IFT80: variants seen among roughly 807,000 people sequenced by gnomAD.
IFT80 encodes the protein intraflagellar transport 80.
IFT80 carries 79 observed loss-of-function variants against 107.9 expected under a neutral mutation model. The observed-to-expected ratio is 0.73, with a 90% CI of 0.61 to 0.88. The LOEUF (loss-of-function observed/expected upper bound fraction) is 0.88, where lower values mean the gene tolerates loss of function less well. IFT80 is among the 40% of genes least tolerant of loss of function. The pLI is 0.00. For missense variants in IFT80, 797 were observed against 914.2 expected (o/e 0.87, Z 1.65); for synonymous variants, 299 against 300.9 (o/e 0.99, Z 0.07).
chr3:160,301,712 A>G (rs1307489343), intron 11 of IFT80, among the ~76,000 whole-genome samples: 6 of 151,986 alleles, frequency 3.9e-5, no homozygotes, highest in Non-Finnish European at 2.9e-5. Context: ...ATTTTTTATT[A>G]ACTCAAAACA....
chr3:160,302,826 A>T (rs1175857654), intron 11 of IFT80, among the ~76,000 whole-genome samples: 3 of 152,168 alleles, frequency 2.0e-5, no homozygotes, highest in African/African-American at 7.2e-5. Flanking sequence ...AATTTGATAT[A>T]ACATTTTCTT....
chr3:160,381,757 A>C, intron 2 of IFT80, 33 bp from the exon 3 acceptor site: 2 of 1,527,432 alleles, frequency 1.3e-6, no homozygotes, highest in Non-Finnish European at 1.8e-6. Flanking sequence ...TAAAACATAC[A>C]AAAGTCTTTA....
intron 4 of IFT80, 127 bp from the exon 5 acceptor site, chr3:160,376,007 A>G: frequency 3.0e-6 from 2 of 657,354 alleles, no homozygotes; most frequent in Non-Finnish European, 5.4e-6. Flanking sequence ...TCCTGAAATC[A>G]TGGAATATTA....
At chr3:160,268,307 T>G in intron 19 of IFT80, 106 bp downstream of exon 19, 1 of 1,020,436 alleles carries the variant, frequency 9.8e-7, no homozygotes, top group Non-Finnish European at 1.5e-6. Flanking sequence ...CTTTTAGAGG[T>G]TAAAAGATTC....
chr3:160,293,416 AGAGTAT>A (rs1243799869), intron 12 of IFT80, among the ~76,000 whole-genome samples: 2 of 152,220 alleles, frequency 1.3e-5, no homozygotes, highest in Non-Finnish European at 2.9e-5. Context: ...ATTGTTGGTA[AGAGTAT>A]AATACTGATA....
At chr3:160,318,854 T>C (rs1055928445) in intron 9 of IFT80, among the ~76,000 whole-genome samples, 1 of 152,052 alleles carries the variant, frequency 6.6e-6, no homozygotes, top group African/African-American at 2.4e-5. Context: ...TCATAAAACC[T>C]AGAAAGGATT....
intron 14 of IFT80, among the ~76,000 whole-genome samples, chr3:160,281,459 G>A (rs1003748015): frequency 1.2e-4 from 18 of 152,192 alleles, no homozygotes; most frequent in Non-Finnish European, 1.9e-4. Flanking sequence ...AGCAAGTCAG[G>A]AGAGGCCCCT....
chr3:160,274,061 G>T (rs538860880), intron 18 of IFT80, among the ~76,000 whole-genome samples: 2 of 152,250 alleles, frequency 1.3e-5, no homozygotes, highest in South Asian at 4.1e-4. Context: ...GAAGGTGAAG[G>T]GGGGCATGCG....
chr3:160,303,090 C>A (rs62272176), intron 11 of IFT80, among the ~76,000 whole-genome samples: 6,927 of 152,142 alleles, frequency 0.046, 224 homozygotes, highest in Middle Eastern at 0.078. Context: ...GGCTAGAAAA[C>A]CTGATAATAA....
chr3:160,326,260 T>C (rs1454266726), intron 8 of IFT80, among the ~76,000 whole-genome samples: 1 of 151,932 alleles, frequency 6.6e-6, no homozygotes, highest in Admixed American at 6.6e-5. Flanking sequence ...TTACTAAAAT[T>C]GGAGAGACAT....
Position 160,360,170 on chromosome 3 carries a change from T to C in IFT80, c.550-2592A>G, listed in dbSNP as rs192145368. On this transcript the variant is annotated intron_variant, in intron 6 of 19. Transcript: ENST00000326448. ...GTAGAGAAGACCTTAAATGACCTGATGGAACTGAAAACCATGGGATGAGAA... is the reference window on the plus strand; with the variant it reads ...GTAGAGAAGACCTTAAATGACCTGACGGAACTGAAAACCATGGGATGAGAA... 8.5e-5 allele frequency among the ~76,000 whole-genome samples: 13 copies of C among 152,316 alleles called. No homozygotes were observed. The East Asian group carries it at 1.7e-3, about 20-fold the overall frequency.
Position 160,257,137 on chromosome 3 carries a change from C to T in IFT80, c.*1388G>A, listed in dbSNP as rs925414953. ...ACATACACAGTACAACTTGTAAGTA[C>T]ACTGCTCAATCAGATTTCATCTGGA... On this transcript the variant is annotated 3_prime_UTR_variant, in exon 20 of 20. Coordinates refer to ENST00000326448, the MANE Select transcript of IFT80 (RefSeq NM_020800.3). 2.6e-5 allele frequency: 4 copies of T among 152,060 alleles called. No homozygotes were observed. Among genetic ancestry groups the T allele is most frequent in the Non-Finnish European group, 5.9e-5 (4 of 68,024 alleles). 9.4% of individuals were successfully genotyped at this position (152,060 alleles called of 1,614,324 possible).
intron 19 of IFT80, among the ~76,000 whole-genome samples, chr3:160,267,149 A>G (rs1713399623): frequency 1.3e-5 from 2 of 152,328 alleles, no homozygotes; most frequent in South Asian, 4.1e-4. Context: ...GCTAAACTCT[A>G]AGAATGGTCT....
intron 5 of IFT80, among the ~76,000 whole-genome samples, chr3:160,366,393 C>A (rs1721867890): frequency 6.6e-6 from 1 of 151,940 alleles, no homozygotes; most frequent in Non-Finnish European, 1.5e-5. Context: ...TAATTAGGAT[C>A]TTGCTGAGAA....
intron 18 of IFT80, among the ~76,000 whole-genome samples, chr3:160,275,819 T>C (rs1009502822): frequency 6.6e-6 from 1 of 151,982 alleles, no homozygotes; most frequent in Non-Finnish European, 1.5e-5. Flanking sequence ...TTATTTAACA[T>C]AAAATTTAAA....
intron 5 of IFT80, among the ~76,000 whole-genome samples, chr3:160,368,796 A>AAT (rs76996763): frequency 0.52 from 79,404 of 151,512 alleles, 21,236 homozygotes; most frequent in African/African-American, 0.56. Flanking sequence ...AAAGTAAATT[A>AAT]ATGTTTTAAT....
chr3:160,385,940 A>T (rs898791591), intron 1 of IFT80, among the ~76,000 whole-genome samples: 1 of 152,224 alleles, frequency 6.6e-6, no homozygotes, highest in Non-Finnish European at 1.5e-5. Context: ...AATACAATAG[A>T]TAACAACAAT....
chr3:160,379,916 G>C (rs1342056318), intron 3 of IFT80, among the ~76,000 whole-genome samples: 1 of 151,872 alleles, frequency 6.6e-6, no homozygotes, highest in Non-Finnish European at 1.5e-5. Flanking sequence ...TGATACTACT[G>C]TTTGTCCTAA....
At position 160,280,758 on chromosome 3, in the gene IFT80, G is replaced by C. The variant is rs752150146; in HGVS notation, c.1573C>G (p.Gln525Glu). The C allele has an allele frequency of 7.4e-6, 12 of 1,612,982 alleles. No individual in the cohort carries two copies. The South Asian group carries it at 1.2e-4, about 16-fold the overall frequency. The change falls in exon 15 of 20, where the codon CAA becomes GAA. Residue 525 changes from glutamine to glutamate, a missense_variant. Gln to Glu is a conservative substitution (Grantham distance 29). Transcript: ENST00000326448. ...NDTCNILCGL[Q>E]DTRFIVWYYP... ...TACCACACTATAAATCGAGTATCTT[G>C]AAGTCCACAAAGGATATTGCATGTA...
Sources: gnomAD v4.1 joint callset for allele counts (sites outside exome capture counted in the v4.1 genomes callset) on GRCh38, gnomAD v4.1.1 for gene constraint, MANE v1.5 for transcripts, NCBI Gene and HGNC (gene_info 2026-07-23, HGNC 2026-07-21) for gene names.